CSNK2A2IP: variants seen among roughly 807,000 people sequenced by gnomAD.
CSNK2A2IP encodes casein kinase II subunit alpha'-interacting protein.
At chr3:88,364,551 G>A in the CSNK2A2IP span, among the ~76,000 whole-genome samples, 192 of 152,032 alleles carry the variant, frequency 1.3e-3, 2 homozygotes, top group African/African-American at 4.3e-3. Flanking sequence ...TTTATAGAAA[G>A]GAGATAATAT....
At chr3:88,351,925 T>C in the CSNK2A2IP span, among the ~76,000 whole-genome samples, 1 of 152,128 alleles carries the variant, frequency 6.6e-6, no homozygotes, top group African/African-American at 2.4e-5. Flanking sequence ...TTACTGGAAA[T>C]TTTGTCCCAA....
At chr3:88,359,603 C>T in the CSNK2A2IP span, among the ~76,000 whole-genome samples, 3 of 151,826 alleles carry the variant, frequency 2.0e-5, no homozygotes, top group Non-Finnish European at 4.4e-5. Context: ...AAGTTTTCTT[C>T]TTAATTTATT....
chr3:88,466,098 C>T, the CSNK2A2IP span: 1 of 1,231,646 alleles, frequency 8.1e-7, no homozygotes, highest in African/African-American at 1.6e-5. Context: ...CATCACTCAA[C>T]ACAAAACTTC....
chr3:88,365,126 T>C, the CSNK2A2IP span, among the ~76,000 whole-genome samples: 2 of 152,168 alleles, frequency 1.3e-5, no homozygotes, highest in African/African-American at 4.8e-5. Context: ...AATCACTGAC[T>C]ATATTGCCAA....
chr3:88,369,913 G>T, the CSNK2A2IP span, among the ~76,000 whole-genome samples: 1 of 151,872 alleles, frequency 6.6e-6, no homozygotes, highest in Non-Finnish European at 1.5e-5. Flanking sequence ...AAATCTGAGC[G>T]TAAACTCAGA....
At chr3:88,467,421 T>C in the CSNK2A2IP span, 3 of 398,542 alleles carry the variant, frequency 7.5e-6, no homozygotes, top group African/African-American at 2.1e-5. Context: ...AGTTTATATA[T>C]AGCAAAGATT....
the CSNK2A2IP span, among the ~76,000 whole-genome samples, chr3:88,383,651 CTTTTTTT>C: frequency 5.6e-5 from 5 of 88,566 alleles, no homozygotes; most frequent in Non-Finnish European, 1.0e-4. Context: ...TCTTTTCTTT[CTTTTTTT>C]TTTTTTTTTT....
the CSNK2A2IP span, chr3:88,465,902 C>T: frequency 1.6e-6 from 2 of 1,231,498 alleles, no homozygotes; most frequent in Non-Finnish European, 2.0e-6. Flanking sequence ...GTCTCAAGTT[C>T]ATCATTATTT....
chr3:88,443,505 A>C, the CSNK2A2IP span, among the ~76,000 whole-genome samples: 3 of 152,218 alleles, frequency 2.0e-5, no homozygotes, highest in Non-Finnish European at 4.4e-5. Flanking sequence ...GACTGAAAAC[A>C]GATGCCAGCA....
At chr3:88,361,204 T>A in the CSNK2A2IP span, among the ~76,000 whole-genome samples, 1 of 152,158 alleles carries the variant, frequency 6.6e-6, no homozygotes, top group Non-Finnish European at 1.5e-5. Context: ...TACCAGTGAG[T>A]GTGTTATACC....
chr3:88,460,157 T>C, the CSNK2A2IP span, among the ~76,000 whole-genome samples: 12 of 152,150 alleles, frequency 7.9e-5, no homozygotes, highest in Non-Finnish European at 1.2e-4. Context: ...ACTATTTCAG[T>C]TAATTCTTTC....
chr3:88,444,234 A>C, the CSNK2A2IP span, among the ~76,000 whole-genome samples: 5 of 150,676 alleles, frequency 3.3e-5, no homozygotes, highest in African/African-American at 1.2e-4. Context: ...TTAAACAAAA[A>C]ACTTTTAAAT....
the CSNK2A2IP span, among the ~76,000 whole-genome samples, chr3:88,395,711 A>G: frequency 6.6e-6 from 1 of 152,214 alleles, no homozygotes; most frequent in Non-Finnish European, 1.5e-5. Flanking sequence ...TCAACATTTT[A>G]ACAATACTGA....
At chr3:88,445,679 A>T in the CSNK2A2IP span, among the ~76,000 whole-genome samples, 1 of 152,190 alleles carries the variant, frequency 6.6e-6, no homozygotes, top group South Asian at 2.1e-4. Context: ...CTGTCCCAGC[A>T]TCCTGAGTAA....
At chr3:88,358,527 GT>G in the CSNK2A2IP span, among the ~76,000 whole-genome samples, 66,388 of 149,886 alleles carry the variant, frequency 0.44, 15,773 homozygotes, top group South Asian at 0.62. Context: ...GTTGTGAGCT[GT>G]TTTTTTTTTA....
the CSNK2A2IP span, chr3:88,466,505 CA>C: frequency 8.1e-7 from 1 of 1,231,770 alleles, no homozygotes; most frequent in Non-Finnish European, 1.0e-6. Context: ...ACCAGGAACA[CA>C]GCTGCTTCAA....
chr3:88,456,906 T>C, the CSNK2A2IP span, among the ~76,000 whole-genome samples: 2,024 of 152,252 alleles, frequency 0.013, 37 homozygotes, highest in African/African-American at 0.047. Flanking sequence ...TTTCAGCTTT[T>C]TTCCTTTACA....
At chr3:88,409,373 A>G in the CSNK2A2IP span, among the ~76,000 whole-genome samples, 1 of 152,040 alleles carries the variant, frequency 6.6e-6, no homozygotes, top group East Asian at 1.9e-4. Context: ...GAATTTACCT[A>G]GCTATTCAAA....
At chr3:88,462,034 TG>T in the CSNK2A2IP span, among the ~76,000 whole-genome samples, 1 of 151,866 alleles carries the variant, frequency 6.6e-6, no homozygotes, top group Non-Finnish European at 1.5e-5. Flanking sequence ...GTGAAGTGGT[TG>T]TTCATGTTTT....
Sources: gnomAD v4.1 joint callset for allele counts (sites outside exome capture counted in the v4.1 genomes callset) on GRCh38, gnomAD v4.1.1 for gene constraint, MANE v1.5 for transcripts, NCBI Gene and HGNC (gene_info 2026-07-23, HGNC 2026-07-21) for gene names.